ORM2: variants seen among roughly 807,000 people sequenced by gnomAD.
ORM2 encodes alpha-1-acid glycoprotein 2.
In ORM2, 19 loss-of-function variants were observed where a neutral mutation model predicts 26.8. The observed-to-expected ratio is 0.71, with a 90% confidence interval of 0.49 to 1.04. The LOEUF is 1.04. ORM2 is among the 50% of genes least tolerant of loss of function. The pLI, the probability that ORM2 is intolerant of heterozygous loss-of-function variation, is 0.00. For synonymous variants in ORM2, 94 were observed against 100.0 expected, an observed-to-expected ratio of 0.94 and a Z score of 0.36; for missense variants, 259 against 244.9, an observed-to-expected ratio of 1.06 and a Z score of -0.39.
In ORM2 at chr9:114,330,868, G is replaced by T; in HGVS notation, c.328+6G>T. The T allele has an allele frequency of 6.2e-7, 1 of 1,612,772 alleles. No individual in the cohort carries two copies. Among genetic ancestry groups the T allele is most frequent in the Non-Finnish European group, 8.5e-7 (1 of 1,178,994 alleles). Reference sequence around the variant, plus strand: ...TGGGACCGTCTCCAGATACGGTGAGGGCCAGCCCTCAGGCAGGAGGGTTCA... The same window carrying T: ...TGGGACCGTCTCCAGATACGGTGAGTGCCAGCCCTCAGGCAGGAGGGTTCA... On this transcript the variant is annotated splice_donor_region_variant and intron_variant, in intron 3 of 5. Coordinates refer to ENST00000431067, the MANE Select transcript of ORM2 (RefSeq NM_000608.4).
chr9:114,332,265 C>T (rs943098398), intron 5 of ORM2, among the ~76,000 whole-genome samples: 3 of 152,066 alleles, frequency 2.0e-5, no homozygotes, highest in African/African-American at 7.3e-5. Context: ...CAGGCTTTCA[C>T]CCCACCTCCA....
In ORM2 at chr9:114,330,890, T is replaced by A. The variant is rs377291588; in HGVS notation, c.328+28T>A. On this transcript the variant is annotated intron_variant, in intron 3 of 5. Coordinates refer to ENST00000431067, the MANE Select transcript of ORM2 (RefSeq NM_000608.4). ...GAGGGCCAGCCCTCAGGCAGGAGGGTTCACCGTGGGAACAGGGCAGGCCAG... is the reference window on the plus strand; with the variant it reads ...GAGGGCCAGCCCTCAGGCAGGAGGGATCACCGTGGGAACAGGGCAGGCCAG... 5.3e-5 allele frequency: 84 copies of A among 1,597,582 alleles called. 1 individual carries two copies. In the Admixed American group the frequency reaches 1.0e-3, roughly 19 times the overall value.
intron 5 of ORM2, 127 bp downstream of exon 5, chr9:114,332,056 C>A (rs1283796066): frequency 2.2e-5 from 15 of 666,886 alleles, no homozygotes; most frequent in Non-Finnish European, 3.9e-5. Context: ...TTTTAGGCAC[C>A]TGCCTCACTG....
intron 5 of ORM2, among the ~76,000 whole-genome samples, chr9:114,332,313 T>A (rs1829867835): frequency 6.6e-6 from 1 of 152,138 alleles, no homozygotes; most frequent in Non-Finnish European, 1.5e-5. Context: ...AGTGGGGAAT[T>A]GATACTGTGG....
At position 114,332,013 on chromosome 9, in the gene ORM2, A is replaced by G. The variant is rs557784876; in HGVS notation, c.540+84A>G. The G allele has an allele frequency of 4.1e-5, 51 of 1,259,162 alleles. No homozygotes were observed. The Admixed American group carries it at 7.3e-4, about 18-fold the overall frequency. The allele number at this position is 1,259,162 out of a possible 1,614,324, so 78.0% of individuals were successfully genotyped here. On this transcript the variant is annotated intron_variant, in intron 5 of 5. Coordinates refer to ENST00000431067, the MANE Select transcript of ORM2 (RefSeq NM_000608.4). The stretch of plus-strand genomic sequence containing the variant: ...AGAGGCCCAGAGCAGGAAAGCTGCC[A>G]GGCAAGGCTGCACAGCTAGGCAGAT...
At chr9:114,330,306 G>A (rs1172728471) in intron 1 of ORM2, 128 bp from the exon 2 acceptor site, 12 of 1,036,118 alleles carry the variant, frequency 1.2e-5, no homozygotes, top group Admixed American at 1.1e-4. Flanking sequence ...TCCTGCATGC[G>A]CACTGCCCAC....
At chr9:114,332,067 T>C in intron 5 of ORM2, 138 bp downstream of exon 5, 1 of 620,456 alleles carries the variant, frequency 1.6e-6, no homozygotes, top group Non-Finnish European at 2.9e-6. Context: ...TGCCTCACTG[T>C]AGGGACAGCT....
At position 114,331,572 on chromosome 9, in the gene ORM2, G is replaced by A. The variant is rs1564607657; in HGVS notation, c.334G>A (p.Gly112Ser). 1 of 1,613,552 alleles carries A rather than the reference G, an allele frequency of 6.2e-7. No homozygotes were observed. The highest frequency in any genetic ancestry group is 8.5e-7 in the Non-Finnish European group (1 of 1,179,668). ...ENGTVSRYEG[G>S]REHVAHLLFL... is the part of the protein sequence containing the mutation. ...AGGCTCTTTTTCTCTTCCAGAGGGA[G>A]GCCGAGAACATGTTGCTCACCTGCT... Residue 112 changes from glycine to serine, a missense_variant, in exon 4 of 6, where the codon GGC (glycine) becomes AGC (serine). This residue lies in a region of ORM2 where 251 missense variants were observed against 220.5 expected (regional missense o/e 1.14). Coordinates refer to ENST00000431067, the MANE Select transcript of ORM2 (RefSeq NM_000608.4).
chr9:114,329,916 C>T lies in ORM2; in HGVS notation c.12C>T (p.Ser4=). The change falls in exon 1 of 6, where the codon TCC becomes TCT. Residue 4 remains serine (S), a synonymous_variant. Transcript: ENST00000431067. ...CTCCTGGTCTCAGTATGGCGCTGTC[C>T]TGGGTTCTTACAGTCCTGAGCCTCC... MAL[S]WVLTVLSLLP... 7.0e-7 allele frequency: 1 copy of T among 1,429,296 alleles called. No individual in the cohort carries two copies. The highest frequency in any genetic ancestry group is 2.4e-5 in the East Asian group (1 of 41,556). The allele number at this position is 1,429,296 out of a possible 1,614,324, so 88.5% of individuals were successfully genotyped here. A position where few individuals can be genotyped will look rare whatever the true frequency, so the allele number is the denominator to read the frequency against.
intron 5 of ORM2, 70 bp downstream of exon 5, chr9:114,331,999 G>A (rs1157917556): frequency 2.0e-5 from 29 of 1,419,328 alleles, no homozygotes; most frequent in Non-Finnish European, 2.8e-5. Flanking sequence ...GAGGCCCAGA[G>A]CAGGAAAGCT....
At chr9:114,331,467 G>A in intron 3 of ORM2, 100 bp from the exon 4 acceptor site, 1 of 940,240 alleles carries the variant, frequency 1.1e-6, no homozygotes, top group South Asian at 1.6e-5. Context: ...CTTCACTGAT[G>A]GGCTTTGTGG....
At position 114,330,576 on chromosome 9, in the gene ORM2, G is replaced by C; in HGVS notation, c.257G>C (p.Arg86Pro). Residue 86 changes from arginine (R) to proline (P), a missense_variant and splice_region_variant, in exon 2 of 6, where the codon CGC becomes CCC. Transcript: ENST00000431067. ...DTIFLREYQTRQNQCFYNSSY... is the reference protein window; with the variant it reads ...DTIFLREYQTPQNQCFYNSSY... ...ATCTTTCTCAGAGAGTACCAGACCCGGTGAGAGCCCCCATTCCAATGCACC... is the reference window on the plus strand; with the variant it reads ...ATCTTTCTCAGAGAGTACCAGACCCCGTGAGAGCCCCCATTCCAATGCACC... The C allele has an allele frequency of 2.5e-6, 4 of 1,612,876 alleles. No individual in the cohort carries two copies. Among genetic ancestry groups the C allele is most frequent in the Non-Finnish European group, 2.5e-6 (3 of 1,179,958 alleles).
At chr9:114,330,046 A>G in intron 1 of ORM2, 28 bp downstream of exon 1, 1 of 1,605,560 alleles carries the variant, frequency 6.2e-7, no homozygotes, top group Non-Finnish European at 8.5e-7. Flanking sequence ...CCCTGTCCTG[A>G]GCACATGGGC....
rs762684878 is a variant in ORM2, at chr9:114,329,931, C to T, written c.27C>T (p.Val9=). The change falls in exon 1 of 6, where the codon GTC becomes GTT. Residue 9 remains valine (V), a synonymous_variant. Transcript: ENST00000431067. ...TGGCGCTGTCCTGGGTTCTTACAGT[C>T]CTGAGCCTCCTACCTCTGCTGGAAG... MALSWVLT[V]LSLLPLLEAQ... is the part of the protein sequence containing the mutation. 6.8e-7 allele frequency: 1 copy of T among 1,477,820 alleles called. No homozygotes were observed. The highest frequency in any genetic ancestry group is 2.4e-5 in the East Asian group (1 of 42,162). The allele number at this position is 1,477,820 out of a possible 1,614,324, so 91.5% of individuals were successfully genotyped here.
Position 114,330,550 on chromosome 9 carries a change from G to C in ORM2, c.231G>C (p.Thr77=), listed in dbSNP as rs376538069. The C allele has an allele frequency of 4.2e-5, 68 of 1,612,698 alleles. 1 individual carries two copies. Among genetic ancestry groups the C allele is most frequent in the Non-Finnish European group, 5.6e-5 (66 of 1,179,988 alleles). The change falls in exon 2 of 6, where the codon ACG becomes ACC. Residue 77 remains threonine (T), a synonymous_variant. Coordinates refer to ENST00000431067, the MANE Select transcript of ORM2 (RefSeq NM_000608.4). ...FYFTPNKTED[T]IFLREYQTRQ... ...TTACCCCCAACAAGACAGAGGACAC[G>C]ATCTTTCTCAGAGAGTACCAGACCC... is the stretch of plus-strand genomic sequence containing the variant.
rs146230347 is a variant in ORM2, at chr9:114,330,849, C to T, written c.315C>T (p.Thr105=). Residue 105 remains threonine, a synonymous_variant, in exon 3 of 6, where the codon ACC becomes ACT. Coordinates refer to ENST00000431067, the MANE Select transcript of ORM2 (RefSeq NM_000608.4). ...TGAATGTCCAGCGGGAGAATGGGAC[C>T]GTCTCCAGATACGGTGAGGGCCAGC... is the stretch of plus-strand genomic sequence containing the variant. ...SYLNVQRENG[T]VSRYEGGREH... 6.8e-5 allele frequency: 109 copies of T among 1,613,770 alleles called. No individual in the cohort carries two copies. Among genetic ancestry groups the T allele is most frequent in the Middle Eastern group, 6.6e-4 (4 of 6,060 alleles).
chr9:114,331,522 T>A (rs748432140), intron 3 of ORM2, 45 bp from the exon 4 acceptor site: 2 of 1,484,070 alleles, frequency 1.3e-6, no homozygotes, highest in Non-Finnish European at 9.4e-7. Flanking sequence ...CAGGCACCAT[T>A]GTGCCATCCC....
intron 3 of ORM2, among the ~76,000 whole-genome samples, chr9:114,331,321 C>A (rs1010495778): frequency 3.9e-5 from 6 of 152,100 alleles, no homozygotes; most frequent in Non-Finnish European, 8.8e-5. Context: ...TTTTCCTCCT[C>A]TGTAAAACGG....
intron 1 of ORM2, 85 bp downstream of exon 1, chr9:114,330,103 G>T (rs772159920): frequency 6.2e-7 from 1 of 1,610,696 alleles, no homozygotes; most frequent in Non-Finnish European, 8.5e-7. Context: ...GGCTGTGGTC[G>T]CACCCCCACT....
Sources: gnomAD v4.1 joint callset for allele counts (sites outside exome capture counted in the v4.1 genomes callset) on GRCh38, gnomAD v4.1.1 for gene constraint, gnomAD v4.1.1 regional missense constraint, MANE v1.5 for transcripts, NCBI Gene and HGNC (gene_info 2026-07-23, HGNC 2026-07-21) for gene names.